GRIN2C: variants seen among roughly 807,000 people sequenced by gnomAD.
GRIN2C encodes the protein glutamate receptor ionotropic, NMDA 2C.
Under a neutral mutation model 77.7 loss-of-function variants are expected in GRIN2C, and 64 were observed. The observed-to-expected ratio is 0.82, with a 90% CI of 0.67 to 1.01. The LOEUF (loss-of-function observed/expected upper bound fraction) is 1.01. GRIN2C is among the 50% of genes least tolerant of loss of function. GRIN2C has a pLI of 0.00. For synonymous variants in GRIN2C, 792 were observed against 643.4 expected (o/e 1.23, Z -3.49); for missense variants, 1,549 against 1,486.0 (o/e 1.04, Z -0.70).
chr17:74,846,652 A>T lies in GRIN2C; in HGVS notation c.2162+108T>A. ...CCAAGACCTCTTCCCTCCACCCCAC[A>T]GGAGTCCTGCAGGACAGCCCAGTCC... On this transcript the variant is annotated intron_variant, in intron 10 of 12. Coordinates refer to ENST00000293190, the MANE Select transcript of GRIN2C (RefSeq NM_000835.6). The surrounding 1 kb of genome is among the most constrained non-coding windows in gnomAD (Gnocchi z 4.4). 1 of 1,203,410 alleles carries T rather than the reference A, an allele frequency of 8.3e-7. No individual in the cohort carries two copies. The highest frequency in any genetic ancestry group is 1.5e-5 in the South Asian group (1 of 68,826). The allele number at this position is 1,203,410 out of a possible 1,614,324, so 74.5% of individuals were successfully genotyped here. A position where few individuals can be genotyped will look rare whatever the true frequency, so the allele number is the denominator to read the frequency against.
Position 74,855,038 on chromosome 17 carries a change from C to A in GRIN2C, c.55G>T (p.Ala19Ser). 6.2e-7 allele frequency: 1 copy of A among 1,600,030 alleles called. No individual in the cohort carries two copies. Among genetic ancestry groups the A allele is most frequent in the Non-Finnish European group, 8.5e-7 (1 of 1,178,816 alleles). Residue 19 changes from alanine to serine, a missense_variant, in exon 2 of 13, where the codon GCA (alanine) becomes TCA (serine). By Grantham distance (99) the Ala-to-Ser change is moderately conservative (BLOSUM62 1). Around this residue, in one of 3 missense-constraint regions of GRIN2C, gnomAD observed 382 missense variants for 360.0 expected, o/e 1.06. Transcript: ENST00000293190. ...TCGCCCTGCCCCGGACCCAGCCCTGCCCAGGCACCGAAGAGCGAGGTGAGC... is the reference window on the plus strand; with the variant it reads ...TCGCCCTGCCCCGGACCCAGCCCTGACCAGGCACCGAAGAGCGAGGTGAGC... ...LLLTSLFGAW[A>S]GLGPGQGEQG... is the part of the protein sequence containing the mutation.
intron 3 of GRIN2C, 39 bp downstream of exon 3, chr17:74,851,974 C>A (rs1362695519): frequency 2.1e-6 from 3 of 1,439,082 alleles, no homozygotes; most frequent in Non-Finnish European, 2.8e-6. Flanking sequence ...CCGAAGCGCT[C>A]CCCACCTCCC....
At chr17:74,854,571 A>G (rs1211434312) in intron 2 of GRIN2C, 123 bp downstream of exon 2, 2 of 708,270 alleles carry the variant, frequency 2.8e-6, no homozygotes, top group Non-Finnish European at 4.8e-6. Context: ...CACCCACATC[A>G]TGCCCTCAGC....
intron 12 of GRIN2C, 58 bp from the exon 13 acceptor site, chr17:74,843,611 CG>C: frequency 3.3e-6 from 5 of 1,520,900 alleles, no homozygotes; most frequent in Non-Finnish European, 3.5e-6. Context: ...GGACCCGCCA[CG>C]ATTGTCCCTG....
intron 3 of GRIN2C, 64 bp downstream of exon 3, chr17:74,851,949 T>C (rs1383315786): frequency 4.6e-6 from 6 of 1,297,186 alleles, no homozygotes; most frequent in Non-Finnish European, 6.2e-6. Context: ...CCAAACTCAC[T>C]GCCAGCCAGC....
In GRIN2C at chr17:74,849,715, C is replaced by A. The variant is rs2037571485; in HGVS notation, c.1645+65G>T. 1.1e-5 allele frequency: 17 copies of A among 1,481,158 alleles called. No homozygotes were observed. In the South Asian group the frequency reaches 1.9e-4, roughly 17 times the overall value. 91.8% of individuals were successfully genotyped at this position (1,481,158 alleles called of 1,614,324 possible). A position where few individuals can be genotyped will look rare whatever the true frequency, so the allele number is the denominator to read the frequency against. On this transcript the variant is annotated intron_variant, in intron 7 of 12. Transcript: ENST00000293190. This position sits in a 1 kb window ranked among gnomAD's most constrained non-coding sequence, Gnocchi z 4.6. ...ACCCAACTCCCCATCCCCACCCAAG[C>A]TGTACACACCCTCCTCGTGGGCCCC...
chr17:74,860,742 C>T (rs2037931690), upstream of GRIN2C: 1 of 345,726 alleles, frequency 2.9e-6, no homozygotes, highest in African/African-American at 2.2e-5. Context: ...GATGCCACTA[C>T]TCTGGAAGCC....
chr17:74,854,438 G>A (rs1424897803), intron 2 of GRIN2C: 5 of 441,600 alleles, frequency 1.1e-5, no homozygotes, highest in South Asian at 4.2e-5. Flanking sequence ...GCTGGGGCCT[G>A]AGCCCCACAG....
rs3826315 is a variant in GRIN2C at position 74,847,700 on chromosome 17, C to T, written c.1771+152G>A. ...GTGAAGTGAGCTCACGTGTGTGTTT[C>T]TGTGTGTGTGTGTCATCTGACTGGC... On this transcript the variant is annotated intron_variant, in intron 8 of 12. Coordinates refer to ENST00000293190, the MANE Select transcript of GRIN2C (RefSeq NM_000835.6). This position sits in a 1 kb window ranked among gnomAD's most constrained non-coding sequence, Gnocchi z 5.2. The T allele has an allele frequency of 7.0e-5, 60 of 851,954 alleles. No individual in the cohort carries two copies. The highest frequency in any genetic ancestry group is 6.8e-4 in the Middle Eastern group (2 of 2,920). 52.8% of individuals were successfully genotyped at this position (851,954 alleles called of 1,614,324 possible). A position where few individuals can be genotyped will look rare whatever the true frequency, so the allele number is the denominator to read the frequency against.
upstream of GRIN2C, chr17:74,860,806 G>A (rs760990364): frequency 9.2e-6 from 3 of 325,784 alleles, no homozygotes; most frequent in Non-Finnish European, 1.2e-5. Flanking sequence ...GGGCAAAGGA[G>A]ATGGGGCAGA....
At position 74,851,557 on chromosome 17, in the gene GRIN2C, TG is replaced by T; in HGVS notation, c.1113+19del. 6.8e-7 allele frequency: 1 copy of T among 1,462,084 alleles called. No homozygotes were observed. The highest frequency in any genetic ancestry group is 9.4e-7 in the Non-Finnish European group (1 of 1,064,902). 90.6% of individuals were successfully genotyped at this position (1,462,084 alleles called of 1,614,324 possible). On this transcript the variant is annotated intron_variant, in intron 4 of 12. Transcript: ENST00000293190. ...AAAATAAGAGGACACTGAGGGCCCC[TG>T]GGCTCACCCCCTTCTCACCATCTCC...
In GRIN2C at chr17:74,847,936, A is replaced by T. The variant is rs760286848; in HGVS notation, c.1687T>A (p.Cys563Ser). The part of the protein sequence containing the change: ...PAVWVMMFVM[C>S]LTVVAITVFM... Reference sequence around the variant, plus strand: ...ACGGTGATGGCCACCACAGTGAGGCACATGACAAACATCATCACCCACACT... The same window carrying T: ...ACGGTGATGGCCACCACAGTGAGGCTCATGACAAACATCATCACCCACACT... The change falls in exon 8 of 13, where the codon TGC (cysteine) becomes AGC (serine). Residue 563 changes from cysteine (C) to serine (S), a missense_variant. By Grantham distance (112) the Cys-to-Ser change is moderately radical. Transcript: ENST00000293190. The surrounding 1 kb of genome is among the most constrained non-coding windows in gnomAD (Gnocchi z 5.2). 1.2e-6 allele frequency: 2 copies of T among 1,613,962 alleles called. No individual in the cohort carries two copies. Among genetic ancestry groups the T allele is most frequent in the Non-Finnish European group, 1.7e-6 (2 of 1,179,944 alleles).
At position 74,854,943 on chromosome 17, in the gene GRIN2C, G is replaced by T. The variant is rs1411251306; in HGVS notation, c.150C>A (p.Leu50=). The T allele has an allele frequency of 1.9e-6, 3 of 1,613,220 alleles. No homozygotes were observed. In the African/African-American group the frequency reaches 4.0e-5, roughly 22 times the overall value. Reference sequence around the variant, plus strand: ...GTAGGTCCAGGAAGCTCTGGGGGGTGAGGCGGGCACGGAACTGGGCCTGGG... The same window carrying T: ...GTAGGTCCAGGAAGCTCTGGGGGGTTAGGCGGGCACGGAACTGGGCCTGGG... The part of the protein sequence containing the change: ...GPPQAQFRAR[L]TPQSFLDLPL... Residue 50 remains leucine, a synonymous_variant, in exon 2 of 13, where the codon CTC becomes CTA. Transcript: ENST00000293190.
rs943828368 is a variant in GRIN2C at position 74,849,942 on chromosome 17, C to T, written c.1492-9G>A. 6 of 1,609,000 alleles carry T rather than the reference C, an allele frequency of 3.7e-6. No individual in the cohort carries two copies. In the African/African-American group the frequency reaches 6.7e-5, roughly 18 times the overall value. On this transcript the variant is annotated splice_polypyrimidine_tract_variant and intron_variant, in intron 6 of 12. Transcript: ENST00000293190. This position sits in a 1 kb window ranked among gnomAD's most constrained non-coding sequence, Gnocchi z 4.6. Reference sequence around the variant, plus strand: ...GCCCGCTTGTAGTACACCTGGGGGCCGGACGCCACGGAGGTTTGAAAAAGG... The same window carrying T: ...GCCCGCTTGTAGTACACCTGGGGGCTGGACGCCACGGAGGTTTGAAAAAGG...
At position 74,850,016 on chromosome 17, in the gene GRIN2C, C is replaced by A; in HGVS notation, c.1492-83G>T. On this transcript the variant is annotated intron_variant, in intron 6 of 12. Coordinates refer to ENST00000293190, the MANE Select transcript of GRIN2C (RefSeq NM_000835.6). The surrounding 1 kb of genome is among the most constrained non-coding windows in gnomAD (Gnocchi z 5.3). ...GCACAGGCACCTCCAGACACCCCTT[C>A]TAGCACCCACCAGCTGAGTCAATCA... 1 of 1,461,314 alleles carries A rather than the reference C, an allele frequency of 6.8e-7. No individual in the cohort carries two copies. Among genetic ancestry groups the A allele is most frequent in the South Asian group, 1.3e-5 (1 of 79,570 alleles). The allele number at this position is 1,461,314 out of a possible 1,614,324, so 90.5% of individuals were successfully genotyped here. A position where few individuals can be genotyped will look rare whatever the true frequency, so the allele number is the denominator to read the frequency against.
chr17:74,848,027 A>G, intron 7 of GRIN2C, 50 bp from the exon 8 acceptor site: 1 of 1,606,930 alleles, frequency 6.2e-7, no homozygotes, highest in Non-Finnish European at 8.5e-7. Flanking sequence ...TCCCTGCCCC[A>G]GGCCCAGAAG....
In GRIN2C at chr17:74,844,415, A is replaced by G. The variant is rs753393330; in HGVS notation, c.2444T>C (p.Met815Thr). 1 of 1,614,168 alleles carries G rather than the reference A, an allele frequency of 6.2e-7. No individual in the cohort carries two copies. The highest frequency in any genetic ancestry group is 1.1e-5 in the South Asian group (1 of 91,076). ...CAGCAGCATGTAGAAGACGCCTGCC[A>G]TGTTGTCGATGTCCAGCTTGCTGCT... ...VMSSKLDIDN[M>T]AGVFYMLLVA... Residue 815 changes from methionine to threonine, a missense_variant, in exon 12 of 13, where the codon ATG becomes ACG. Coordinates refer to ENST00000293190, the MANE Select transcript of GRIN2C (RefSeq NM_000835.6).
chr17:74,850,234 CG>C lies in GRIN2C; in HGVS notation c.1462del (p.Arg488AlafsTer7). The C allele has an allele frequency of 1.2e-6, 2 of 1,613,688 alleles. No homozygotes were observed. Among genetic ancestry groups the C allele is most frequent in the Non-Finnish European group, 1.7e-6 (2 of 1,179,986 alleles). ...CCCAATCATGCCGTTCCATACGCCG[CG>C]CACCCGCTTGCCATGCTTGCCGTTG... ...VTNGKHGKRVRGVWNGMIGEV... is the reference protein window; with the variant it reads ...VTNGKHGKRVXGVWNGMIGEV... On this transcript the variant is annotated frameshift_variant, in exon 6 of 13. Transcript: ENST00000293190. LOFTEE classifies it high-confidence loss of function. This position sits in a 1 kb window ranked among gnomAD's most constrained non-coding sequence, Gnocchi z 5.3.
chr17:74,855,111 C>G lies in GRIN2C; in HGVS notation c.-15-4G>C. The G allele has an allele frequency of 6.4e-7, 1 of 1,552,788 alleles. No individual in the cohort carries two copies. Among genetic ancestry groups the G allele is most frequent in the Non-Finnish European group, 8.6e-7 (1 of 1,156,262 alleles). On this transcript the variant is annotated splice_polypyrimidine_tract_variant and splice_region_variant and intron_variant, in intron 1 of 12. Transcript: ENST00000293190. ...CACCCATGTCCACCGGAGGGTCCTG[C>G]GGAGAGACCAGAACAAGCACAGGGA...
Sources: allele counts gnomAD v4.1 joint callset, GRCh38; gene constraint gnomAD v4.1.1; regional missense constraint gnomAD v4.1.1; non-coding constraint Gnocchi (gnomAD v3.1); transcripts MANE v1.5; gene names NCBI Gene and HGNC (gene_info 2026-07-23, HGNC 2026-07-21).